RAB3C: variants seen among roughly 807,000 people sequenced by gnomAD.
RAB3C encodes ras-related protein Rab-3C.
In RAB3C, 17 loss-of-function variants were observed where a neutral mutation model predicts 26.4. That is an observed-to-expected ratio of 0.64 (90% CI 0.44 to 0.97). RAB3C has a LOEUF of 0.97. Among genes scored for constraint, RAB3C ranks in the 50% least tolerant of loss-of-function variants. The probability of loss-of-function intolerance (pLI) is 0.00; values close to 1 mark genes in which losing one functional copy is unlikely to be tolerated. For synonymous variants in RAB3C, 91 were observed against 95.9 expected (o/e 0.95, Z 0.30); for missense variants, 242 against 281.9 (o/e 0.86, Z 1.01).
At chr5:58,638,770 A>G (rs892367105) in intron 2 of RAB3C, among the ~76,000 whole-genome samples, 1 of 152,240 alleles carries the variant, frequency 6.6e-6, no homozygotes, top group Non-Finnish European at 1.5e-5. Context: ...CTCTTGAAGC[A>G]GTTGACATCA....
At chr5:58,811,700 C>T (rs559422833) in intron 3 of RAB3C, among the ~76,000 whole-genome samples, 1 of 152,186 alleles carries the variant, frequency 6.6e-6, no homozygotes, top group African/African-American at 2.4e-5. Context: ...CCATGTCCCA[C>T]CCCCTTTCTC....
chr5:58,582,492 G>A, upstream of RAB3C: 2 of 841,972 alleles, frequency 2.4e-6, no homozygotes, highest in Non-Finnish European at 1.4e-6. Context: ...CGGGTTGTGT[G>A]TGTGACTATG....
chr5:58,644,142 C>G (rs1747469559), intron 2 of RAB3C, among the ~76,000 whole-genome samples: 1 of 152,118 alleles, frequency 6.6e-6, no homozygotes, highest in Non-Finnish European at 1.5e-5. Context: ...TTTTATTTTC[C>G]ACAAATACTG....
intron 3 of RAB3C, among the ~76,000 whole-genome samples, chr5:58,784,428 C>T (rs1742333160): frequency 6.6e-6 from 1 of 152,138 alleles, no homozygotes; most frequent in Non-Finnish European, 1.5e-5. Flanking sequence ...ACAAGAACAA[C>T]ATGGGAAAGA....
At chr5:58,833,507 C>A (rs1314550752) in intron 4 of RAB3C, among the ~76,000 whole-genome samples, 1 of 152,050 alleles carries the variant, frequency 6.6e-6, no homozygotes, top group Non-Finnish European at 1.5e-5. Flanking sequence ...AGTTGAGGAC[C>A]ACAGACCTAA....
intron 2 of RAB3C, among the ~76,000 whole-genome samples, chr5:58,702,670 C>G (rs1748870942): frequency 6.6e-6 from 1 of 152,072 alleles, no homozygotes; most frequent in Admixed American, 6.5e-5. Flanking sequence ...TCCTTCCTTT[C>G]CTGTTTTCCT....
At chr5:58,787,797 A>G (rs1742425417) in intron 3 of RAB3C, among the ~76,000 whole-genome samples, 1 of 152,174 alleles carries the variant, frequency 6.6e-6, no homozygotes, top group Admixed American at 6.5e-5. Context: ...GTCGGCGGGA[A>G]TGACACCCTC....
intron 2 of RAB3C, among the ~76,000 whole-genome samples, 187 bp downstream of exon 2, chr5:58,618,057 AATT>A (rs3830457): frequency 0.36 from 54,612 of 151,610 alleles, 9,968 homozygotes; most frequent in Admixed American, 0.43. Flanking sequence ...ATGAGGGGTG[AATT>A]ATTATTATGC....
At chr5:58,658,693 C>G (rs1263987552) in intron 2 of RAB3C, among the ~76,000 whole-genome samples, 1 of 152,088 alleles carries the variant, frequency 6.6e-6, no homozygotes, top group African/African-American at 2.4e-5. Flanking sequence ...TGATTAGATT[C>G]TCTAATCATG....
intron 3 of RAB3C, among the ~76,000 whole-genome samples, chr5:58,797,369 ATAT>A (rs1561133547): frequency 0.015 from 278 of 18,260 alleles, 7 homozygotes; most frequent in African/African-American, 0.028. Context: ...TATATATATA[ATAT>A]ATATATATAT....
At chr5:58,839,958 C>T (rs923961198) in intron 4 of RAB3C, among the ~76,000 whole-genome samples, 2 of 151,100 alleles carry the variant, frequency 1.3e-5, no homozygotes, top group Non-Finnish European at 2.9e-5. Context: ...CCATTCCCTC[C>T]TGTCCTATAG....
chr5:58,615,448 G>A (rs1024663543), intron 1 of RAB3C, among the ~76,000 whole-genome samples: 2 of 152,180 alleles, frequency 1.3e-5, no homozygotes, highest in Non-Finnish European at 2.9e-5. Flanking sequence ...AGCATTAAAT[G>A]ATGAAAGGAC....
intron 1 of RAB3C, among the ~76,000 whole-genome samples, chr5:58,594,982 A>G (rs901993358): frequency 6.6e-5 from 10 of 151,450 alleles, no homozygotes; most frequent in Non-Finnish European, 1.2e-4. Context: ...AGGAAGAGGT[A>G]TTCTTGTAAG....
At chr5:58,830,594 C>CTT (rs772455474) in intron 4 of RAB3C, among the ~76,000 whole-genome samples, 1 of 152,152 alleles carries the variant, frequency 6.6e-6, no homozygotes, top group African/African-American at 2.4e-5. Flanking sequence ...TTTGGGAACT[C>CTT]TAAGATTCTC....
chr5:58,719,935 T>A (rs1245683235), intron 2 of RAB3C, among the ~76,000 whole-genome samples: 1 of 151,830 alleles, frequency 6.6e-6, no homozygotes, highest in Non-Finnish European at 1.5e-5. Context: ...TGAAATAATT[T>A]AAAAAAGGAA....
At chr5:58,622,739 A>G (rs1746963523) in intron 2 of RAB3C, among the ~76,000 whole-genome samples, 1 of 152,212 alleles carries the variant, frequency 6.6e-6, no homozygotes, top group Non-Finnish European at 1.5e-5. Flanking sequence ...ATTTTTTGCA[A>G]CAACCAAATA....
At chr5:58,734,272 T>A (rs964000431) in intron 3 of RAB3C, among the ~76,000 whole-genome samples, 4 of 152,168 alleles carry the variant, frequency 2.6e-5, no homozygotes, top group African/African-American at 9.7e-5. Context: ...TTACTTCATG[T>A]TAAACATGAA....
intron 3 of RAB3C, among the ~76,000 whole-genome samples, chr5:58,779,382 G>GTATA (rs137951547): frequency 3.8e-4 from 56 of 148,800 alleles, no homozygotes; most frequent in Non-Finnish European, 6.4e-4. Context: ...ATGATTTTAT[G>GTATA]TATATATATA....
intron 2 of RAB3C, among the ~76,000 whole-genome samples, chr5:58,710,592 C>CAAAA: frequency 8.1e-6 from 1 of 122,804 alleles, no homozygotes; most frequent in South Asian, 2.6e-4. Context: ...GAGCAAGACT[C>CAAAA]TGTCTCAAAA....
Sources: allele counts gnomAD v4.1 joint callset (sites outside exome capture counted in the v4.1 genomes callset), GRCh38; gene constraint gnomAD v4.1.1; transcripts MANE v1.5; gene names NCBI Gene and HGNC (gene_info 2026-07-23, HGNC 2026-07-21).